Variants in INPP5A observed in about 807,000 individuals in gnomAD.
INPP5A encodes the protein 43 kDa inositol polyphosphate 5-phophatase.
Under a neutral mutation model 65.2 loss-of-function variants are expected in INPP5A, and 14 were observed. That is an observed-to-expected ratio of 0.21 (90% CI 0.14 to 0.34). The LOEUF (loss-of-function observed/expected upper bound fraction) is 0.34, where lower values mean the gene tolerates loss of function less well. INPP5A is among the 10% of genes least tolerant of loss of function. The probability of loss-of-function intolerance (pLI) is 1.00; values close to 1 mark genes in which losing one functional copy is unlikely to be tolerated. For synonymous variants in INPP5A, 207 were observed against 208.3 expected (o/e 0.99, Z 0.05); for missense variants, 431 against 545.6 (o/e 0.79, Z 2.09).
At chr10:132,658,633 C>T (rs1008025909) in intron 4 of INPP5A, among the ~76,000 whole-genome samples, 43 of 152,260 alleles carry the variant, frequency 2.8e-4, no homozygotes, top group African/African-American at 1.0e-3. Context: ...GGGCTGAGTC[C>T]GCCGGCCCCC....
intron 2 of INPP5A, among the ~76,000 whole-genome samples, chr10:132,619,018 C>A (rs778510745): frequency 4.6e-4 from 70 of 152,276 alleles, no homozygotes; most frequent in Non-Finnish European, 5.0e-4. Flanking sequence ...CTGCCCCAGC[C>A]CCTCCCAGAT....
intron 1 of INPP5A, among the ~76,000 whole-genome samples, chr10:132,586,607 G>A (rs1437953086): frequency 1.3e-5 from 2 of 152,238 alleles, no homozygotes; most frequent in Non-Finnish European, 2.9e-5. Context: ...GGCCGGTGAC[G>A]ACGGGCTCCT....
At chr10:132,553,810 G>A (rs1459666576) in intron 1 of INPP5A, among the ~76,000 whole-genome samples, 1 of 148,732 alleles carries the variant, frequency 6.7e-6, no homozygotes, top group Non-Finnish European at 1.5e-5. Context: ...CAGAGCCTTG[G>A]TGGAATATTG....
rs1564959966 is a variant in INPP5A at position 132,676,963 on chromosome 10, T to TTTTC, written c.307-13429_307-13428insTTTC. Among the ~76,000 whole-genome samples, 1 of 143,648 alleles carries TTTTC rather than the reference T, an allele frequency of 7.0e-6. No homozygotes were observed. The highest frequency in any genetic ancestry group is 1.5e-5 in the Non-Finnish European group (1 of 65,202). 94.2% of individuals were successfully genotyped at this position (143,648 alleles called of 152,430 possible). On this transcript the variant is annotated intron_variant, in intron 4 of 15. Transcript: ENST00000368594. The surrounding 1 kb of genome is among the most constrained non-coding windows in gnomAD (Gnocchi z 4.0). Reference sequence around the variant, plus strand: ...CTGTCCTCAACTGCAGACCCACAGGTATTCACATGGTGACCCCCACCGTCA... The same window carrying TTTTC: ...CTGTCCTCAACTGCAGACCCACAGGTTTTCATTCACATGGTGACCCCCACCGTCA...
Position 132,651,074 on chromosome 10 carries a change from C to T in INPP5A, c.306+569C>T, listed in dbSNP as rs1307628393. 6.6e-6 allele frequency among the ~76,000 whole-genome samples: 1 copy of T among 152,118 alleles called. No individual in the cohort carries two copies. Among genetic ancestry groups the T allele is most frequent in the Non-Finnish European group, 1.5e-5 (1 of 67,998 alleles). On this transcript the variant is annotated intron_variant, in intron 4 of 15. Transcript: ENST00000368594. The surrounding 1 kb of genome is among the most constrained non-coding windows in gnomAD (Gnocchi z 5.0). ...TCAGGTGGACACATGAGAGGGTGGC[C>T]CTGGTGGACGTGGCAGCCACAGAGA...
At chr10:132,653,418 C>T (rs1378755203) in intron 4 of INPP5A, among the ~76,000 whole-genome samples, 1 of 152,126 alleles carries the variant, frequency 6.6e-6, no homozygotes, top group Non-Finnish European at 1.5e-5. Flanking sequence ...GCCTGGCGTG[C>T]GTATCTGGGC....
chr10:132,559,933 C>G lies in INPP5A; in HGVS notation c.75+21762C>G, dbSNP rs536905751. On this transcript the variant is annotated intron_variant, in intron 1 of 15. Coordinates refer to ENST00000368594, the MANE Select transcript of INPP5A (RefSeq NM_005539.5). The stretch of plus-strand genomic sequence containing the variant: ...GTCCATGTGCAAGTTGCTGTGTGAA[C>G]CTGTGTCTCCAGCTCTCTCGGGTGT... 3.9e-5 allele frequency among the ~76,000 whole-genome samples: 6 copies of G among 152,268 alleles called. No homozygotes were observed. The East Asian group carries it at 1.2e-3, about 29-fold the overall frequency.
intron 4 of INPP5A, among the ~76,000 whole-genome samples, chr10:132,681,918 G>A (rs769374059): frequency 1.3e-5 from 2 of 152,232 alleles, no homozygotes; most frequent in Admixed American, 1.3e-4. Context: ...AGGACATTAT[G>A]CCAAGTCAAG....
intron 1 of INPP5A, among the ~76,000 whole-genome samples, chr10:132,579,963 G>T (rs182079446): frequency 1.0e-3 from 158 of 150,614 alleles, no homozygotes; most frequent in South Asian, 7.7e-3. Context: ...TCTTGCCTAG[G>T]CTGGTCCACT....
chr10:132,776,524 C>T (rs533758968), intron 12 of INPP5A, among the ~76,000 whole-genome samples: 1 of 152,306 alleles, frequency 6.6e-6, no homozygotes, highest in South Asian at 2.1e-4. Flanking sequence ...AGATCCCAGT[C>T]GCGACAGGTG....
chr10:132,612,002 G>A (rs1167701147), intron 2 of INPP5A, among the ~76,000 whole-genome samples: 4 of 143,766 alleles, frequency 2.8e-5, no homozygotes, highest in Non-Finnish European at 6.1e-5. Context: ...GAAGGTGTGG[G>A]AGGTGAGGAG....
At chr10:132,725,627 CA>C (rs1845972907) in intron 8 of INPP5A, among the ~76,000 whole-genome samples, 1 of 152,242 alleles carries the variant, frequency 6.6e-6, no homozygotes, top group Non-Finnish European at 1.5e-5. Context: ...CCCCTGTCAC[CA>C]GCTCCAAGAG....
At chr10:132,649,867 G>A (rs1379501204) in intron 3 of INPP5A, among the ~76,000 whole-genome samples, 1 of 152,186 alleles carries the variant, frequency 6.6e-6, no homozygotes, top group African/African-American at 2.4e-5. Context: ...TGACCAGTAG[G>A]ATGAACGGTC....
In INPP5A at chr10:132,650,107, C is replaced by T. The variant is rs1410871247; in HGVS notation, c.219-311C>T. On this transcript the variant is annotated intron_variant, in intron 3 of 15. Coordinates refer to ENST00000368594, the MANE Select transcript of INPP5A (RefSeq NM_005539.5). The surrounding 1 kb of genome is among the most constrained non-coding windows in gnomAD (Gnocchi z 5.5). ...GGAGAGCCCCCAGAGCTTGGAGTTGCGCTTCCCTGGCATGAGACCTTGGGT... is the reference window on the plus strand; with the variant it reads ...GGAGAGCCCCCAGAGCTTGGAGTTGTGCTTCCCTGGCATGAGACCTTGGGT... 1.3e-5 allele frequency among the ~76,000 whole-genome samples: 2 copies of T among 152,194 alleles called. No individual in the cohort carries two copies. Among genetic ancestry groups the T allele is most frequent in the Non-Finnish European group, 1.5e-5 (1 of 68,024 alleles).
chr10:132,717,256 C>T (rs1276240458), intron 8 of INPP5A, among the ~76,000 whole-genome samples: 1 of 152,186 alleles, frequency 6.6e-6, no homozygotes, highest in East Asian at 1.9e-4. Context: ...CCCTCCCCCA[C>T]CCCCGTGACC....
rs59439907 is a variant in INPP5A, at chr10:132,543,165, C to T, written c.75+4994C>T. On this transcript the variant is annotated intron_variant, in intron 1 of 15. Transcript: ENST00000368594. ...GTTTTCAGTATGTTCACAGGGTGTG[C>T]AGCTGTCACCACAGGCAATTGTAGA... 2.7e-3 allele frequency among the ~76,000 whole-genome samples: 413 copies of T among 152,238 alleles called. 1 individual carries two copies. The highest frequency in any genetic ancestry group is 9.4e-3 in the African/African-American group (389 of 41,546).
At chr10:132,658,601 C>T (rs181594841) in intron 4 of INPP5A, among the ~76,000 whole-genome samples, 5 of 152,306 alleles carry the variant, frequency 3.3e-5, no homozygotes, top group East Asian at 1.9e-4. Context: ...AGCCTTGACG[C>T]GTGTCGATCT....
intron 1 of INPP5A, among the ~76,000 whole-genome samples, chr10:132,607,292 G>A (rs923915240): frequency 1.3e-5 from 2 of 152,238 alleles, no homozygotes; most frequent in Non-Finnish European, 2.9e-5. Flanking sequence ...TGGCGGGGCT[G>A]GAGTTTCCTT....
At chr10:132,609,338 G>A (rs891639083) in intron 2 of INPP5A, among the ~76,000 whole-genome samples, 1 of 152,198 alleles carries the variant, frequency 6.6e-6, no homozygotes, top group African/African-American at 2.4e-5. Context: ...CCCCATCCAC[G>A]GTGCTCTCAT....
Sources: gnomAD v4.1 joint callset for allele counts (sites outside exome capture counted in the v4.1 genomes callset) on GRCh38, gnomAD v4.1.1 for gene constraint, Gnocchi (gnomAD v3.1) non-coding constraint, MANE v1.5 for transcripts, NCBI Gene and HGNC (gene_info 2026-07-23, HGNC 2026-07-21) for gene names.